LAMA2: variants seen among roughly 807,000 people sequenced by gnomAD.
LAMA2 encodes laminin subunit alpha-2.
A neutral mutation model predicts 364.8 loss-of-function variants in LAMA2; 269 were observed. The observed-to-expected ratio is 0.74, with a 90% CI of 0.67 to 0.82. LAMA2 has a LOEUF of 0.82. LAMA2 is among the 40% of genes least tolerant of loss of function. The probability of loss-of-function intolerance (pLI) is 0.00; values close to 1 mark genes in which losing one functional copy is unlikely to be tolerated. For synonymous variants in LAMA2, 1,379 were observed against 1,370.6 expected, an observed-to-expected ratio of 1.01 and a Z score of -0.14; for missense variants, 3,807 against 3,873.2, an observed-to-expected ratio of 0.98 and a Z score of 0.45.
Position 129,423,129 on chromosome 6 carries a change from C to T in LAMA2, c.5866-4623C>T, listed in dbSNP as rs150337468. ...TACAGCAAAGGCATTTGACAAAATG[C>T]GTCTATTTTTTTTTAAAAACTGCCT... is the stretch of plus-strand genomic sequence containing the variant. On this transcript the variant is annotated intron_variant, in intron 40 of 64. Transcript: ENST00000421865. Among the ~76,000 whole-genome samples the T allele has an allele frequency of 9.4e-4, 143 of 151,864 alleles. 1 individual carries two copies. In the East Asian group the frequency reaches 0.025, roughly 26 times the overall value.
intron 3 of LAMA2, 46 bp from the exon 4 acceptor site, chr6:129,098,127 G>C (rs766672284): frequency 1.3e-6 from 2 of 1,595,488 alleles, no homozygotes; most frequent in Non-Finnish European, 1.7e-6. Flanking sequence ...AAAATGATGA[G>C]AATATTTGGG....
In LAMA2 at chr6:129,514,605, G is replaced by C; in HGVS notation, c.9211+10G>C. 3 of 1,598,910 alleles carry C rather than the reference G, an allele frequency of 1.9e-6. No homozygotes were observed. Among genetic ancestry groups the C allele is most frequent in the Non-Finnish European group, 2.6e-6 (3 of 1,166,636 alleles). On this transcript the variant is annotated intron_variant, in intron 64 of 64. Transcript: ENST00000421865. ...GTTGGAGGCTTCCCAGGTGAGTGTT[G>C]GCTACCCCAGCAACAATTTCTTTGC...
At chr6:128,901,670 T>C (rs1777093448) in intron 1 of LAMA2, among the ~76,000 whole-genome samples, 1 of 152,222 alleles carries the variant, frequency 6.6e-6, no homozygotes, top group Admixed American at 6.5e-5. Context: ...CTATGTTACA[T>C]AGTTACTGAA....
At position 129,460,253 on chromosome 6, in the gene LAMA2, C is replaced by A. The variant is rs775116632; in HGVS notation, c.6921C>A (p.Tyr2307Ter). 6.2e-7 allele frequency: 1 copy of A among 1,611,546 alleles called. No individual in the cohort carries two copies. The highest frequency in any genetic ancestry group is 8.5e-7 in the Non-Finnish European group (1 of 1,178,216). Reference protein sequence around the residue: ...ITFTGCMGETYFDNKPIGLWN... With the variant: ...ITFTGCMGET ...TCACTGGCTGCATGGGAGAAACATA[C>A]TTTGACAACAAACCTATAGGTTTGT... Residue 2307 changes from tyrosine to a stop codon, truncating the protein, a stop_gained, in exon 49 of 65, where the codon TAC becomes TAA. Coordinates refer to ENST00000421865, the MANE Select transcript of LAMA2 (RefSeq NM_000426.4). LOFTEE classifies it high-confidence loss of function.
chr6:129,206,697 G>C (rs537881127), intron 12 of LAMA2, among the ~76,000 whole-genome samples: 18 of 152,278 alleles, frequency 1.2e-4, no homozygotes, highest in Non-Finnish European at 2.5e-4. Flanking sequence ...CAAAGCAGTT[G>C]CTCTCTTTCC....
At chr6:129,015,660 G>A (rs186726778) in intron 1 of LAMA2, among the ~76,000 whole-genome samples, 186 of 152,116 alleles carry the variant, frequency 1.2e-3, no homozygotes, top group African/African-American at 4.3e-3. Context: ...AAGTATTAGA[G>A]CATTCCTCAT....
At chr6:128,979,479 C>G (rs1267981600) in intron 1 of LAMA2, among the ~76,000 whole-genome samples, 2 of 152,012 alleles carry the variant, frequency 1.3e-5, no homozygotes, top group Non-Finnish European at 2.9e-5. Flanking sequence ...GGTTCATTTG[C>G]CAAGGAAGGA....
chr6:129,152,125 TAGAA>T (rs1470796519), intron 7 of LAMA2, among the ~76,000 whole-genome samples: 5 of 152,204 alleles, frequency 3.3e-5, no homozygotes, highest in Non-Finnish European at 7.4e-5. Flanking sequence ...GTTAACCTGT[TAGAA>T]AGATCAAAAC....
intron 27 of LAMA2, among the ~76,000 whole-genome samples, chr6:129,320,010 G>A (rs1019712274): frequency 3.2e-4 from 49 of 152,082 alleles, no homozygotes; most frequent in African/African-American, 1.1e-3. Flanking sequence ...TTGCACACCT[G>A]TAATCCCAGC....
chr6:129,481,564 A>C (rs1784351578), intron 55 of LAMA2, 125 bp downstream of exon 55: 1 of 816,546 alleles, frequency 1.2e-6, no homozygotes, highest in Admixed American at 1.9e-5. Context: ...AGGACTGAAC[A>C]TTCCATATTT....
At chr6:128,996,147 C>T (rs577890854) in intron 1 of LAMA2, among the ~76,000 whole-genome samples, 7 of 152,210 alleles carry the variant, frequency 4.6e-5, no homozygotes, top group East Asian at 1.9e-4. Context: ...GTAGTTGTGT[C>T]GGGCAATTTT....
At chr6:129,318,931 A>C (rs1315267324) in intron 27 of LAMA2, among the ~76,000 whole-genome samples, 1 of 152,202 alleles carries the variant, frequency 6.6e-6, no homozygotes, top group Non-Finnish European at 1.5e-5. Context: ...TTGTGTTACC[A>C]GTTAGTCCAT....
intron 1 of LAMA2, among the ~76,000 whole-genome samples, chr6:129,024,091 TG>T (rs535294079): frequency 1.2e-3 from 189 of 152,274 alleles, no homozygotes; most frequent in African/African-American, 4.4e-3. Flanking sequence ...AACAAGTATC[TG>T]GGAAAAGTCC....
chr6:128,917,387 T>C (rs901574705), intron 1 of LAMA2, among the ~76,000 whole-genome samples: 1 of 152,088 alleles, frequency 6.6e-6, no homozygotes, highest in Non-Finnish European at 1.5e-5. Context: ...TTAAAAGTCA[T>C]TTTATCTTTT....
At chr6:129,280,023 C>A (rs757378423) in intron 17 of LAMA2, 38 bp from the exon 18 acceptor site, 12 of 1,355,440 alleles carry the variant, frequency 8.9e-6, no homozygotes, top group Non-Finnish European at 1.3e-5. Context: ...GTATGTCCTT[C>A]TTCCTTGTCC....
intron 54 of LAMA2, among the ~76,000 whole-genome samples, chr6:129,480,265 G>A (rs1030953078): frequency 6.6e-6 from 1 of 152,132 alleles, no homozygotes; most frequent in Non-Finnish European, 1.5e-5. Flanking sequence ...GAGGAAAATA[G>A]CCTACATTAA....
At chr6:129,440,168 C>T (rs914991531) in intron 42 of LAMA2, among the ~76,000 whole-genome samples, 4 of 151,976 alleles carry the variant, frequency 2.6e-5, no homozygotes, top group Admixed American at 2.6e-4. Flanking sequence ...AACCTATACA[C>T]ACTAGTAGTC....
intron 10 of LAMA2, among the ~76,000 whole-genome samples, chr6:129,189,329 G>C (rs1267913818): frequency 6.6e-6 from 1 of 152,020 alleles, no homozygotes; most frequent in Non-Finnish European, 1.5e-5. Context: ...TTACAAATCT[G>C]TTTCCTGGAA....
At chr6:129,018,048 A>T (rs115584041) in intron 1 of LAMA2, among the ~76,000 whole-genome samples, 300 of 151,868 alleles carry the variant, frequency 2.0e-3, no homozygotes, top group African/African-American at 6.9e-3. Flanking sequence ...TCTACTTTGC[A>T]TGGAAAAAAC....
Sources: allele counts gnomAD v4.1 joint callset (sites outside exome capture counted in the v4.1 genomes callset), GRCh38; gene constraint gnomAD v4.1.1; transcripts MANE v1.5; gene names NCBI Gene and HGNC (gene_info 2026-07-23, HGNC 2026-07-21).